Variants in AGBL4 observed in about 807,000 individuals in gnomAD.
AGBL4 encodes AGBL carboxypeptidase 4.
AGBL4 carries 58 observed loss-of-function variants against 66.4 expected under a neutral mutation model. The ratio of observed to expected loss-of-function variants is 0.87; its 90% CI spans 0.71 to 1.09. The LOEUF (loss-of-function observed/expected upper bound fraction) is 1.09. Ranked by LOEUF, AGBL4 falls within the 50% of genes least tolerant of loss-of-function variation. The probability of loss-of-function intolerance (pLI) is 0.00; values close to 1 mark genes in which losing one functional copy is unlikely to be tolerated. For missense variants in AGBL4, 579 were observed against 631.0 expected (o/e 0.92, Z 0.88); for synonymous variants, 234 against 222.9 (o/e 1.05, Z -0.44).
chr1:49,772,040 G>C (rs1191623796), intron 2 of AGBL4, among the ~76,000 whole-genome samples: 1 of 151,944 alleles, frequency 6.6e-6, no homozygotes, highest in African/African-American at 2.4e-5. Flanking sequence ...TTGTTTTGTA[G>C]ATCCCTTCTT....
intron 4 of AGBL4, among the ~76,000 whole-genome samples, chr1:49,097,942 T>A (rs1485378132): frequency 6.6e-6 from 1 of 152,252 alleles, no homozygotes; most frequent in African/African-American, 2.4e-5. Flanking sequence ...AGTCCTATTA[T>A]GGACCACCTG....
At position 50,011,209 on chromosome 1, in the gene AGBL4, T is replaced by C. The variant is rs916889997; in HGVS notation, c.34+12554A>G. ...TATAGGAAAAAAGTCAGTAATCTGA[T>C]CAAAAATGGGCAAAATATTTGAATA... is the stretch of plus-strand genomic sequence containing the variant. On this transcript the variant is annotated intron_variant, in intron 1 of 13. Transcript: ENST00000371839. 4.6e-5 allele frequency among the ~76,000 whole-genome samples: 7 copies of C among 152,130 alleles called. 1 individual carries two copies. Among genetic ancestry groups the C allele is most frequent in the Admixed American group, 1.3e-4 (2 of 15,278 alleles).
At chr1:49,871,513 C>A (rs1318890080) in intron 1 of AGBL4, among the ~76,000 whole-genome samples, 1 of 152,038 alleles carries the variant, frequency 6.6e-6, no homozygotes, top group Non-Finnish European at 1.5e-5. Context: ...TGGTATTTCA[C>A]AAACTTTCCA....
intron 3 of AGBL4, among the ~76,000 whole-genome samples, chr1:49,593,061 C>G (rs78951692): frequency 6.6e-6 from 1 of 152,052 alleles, no homozygotes; most frequent in African/African-American, 2.4e-5. Context: ...CTTGCACATG[C>G]GTAAAATCAC....
chr1:49,934,305 A>T, intron 1 of AGBL4, among the ~76,000 whole-genome samples: 1 of 152,124 alleles, frequency 6.6e-6, no homozygotes, highest in East Asian at 1.9e-4. Context: ...CCTAAGAGAC[A>T]TATTCAAACA....
chr1:48,723,582 T>TA (rs1647183716), intron 6 of AGBL4, among the ~76,000 whole-genome samples: 1 of 152,218 alleles, frequency 6.6e-6, no homozygotes, highest in Non-Finnish European at 1.5e-5. Flanking sequence ...ATAAGAAAAC[T>TA]AAACACAGAA....
chr1:49,957,212 T>C (rs1269592609), intron 1 of AGBL4, among the ~76,000 whole-genome samples: 1 of 151,950 alleles, frequency 6.6e-6, no homozygotes, highest in Admixed American at 6.6e-5. Context: ...ACAGTGGAAA[T>C]ACAAAGAATA....
At chr1:48,791,520 A>G (rs1645549829) in intron 6 of AGBL4, among the ~76,000 whole-genome samples, 1 of 152,184 alleles carries the variant, frequency 6.6e-6, no homozygotes, top group Non-Finnish European at 1.5e-5. Context: ...GGGTTGCCCT[A>G]AGCATAGCTG....
chr1:49,508,638 A>T (rs1011588014), intron 3 of AGBL4, among the ~76,000 whole-genome samples: 1 of 151,938 alleles, frequency 6.6e-6, no homozygotes, highest in Non-Finnish European at 1.5e-5. Context: ...TTGGCTAGAT[A>T]TTCATGGGTT....
chr1:49,499,290 T>C (rs1212365386), intron 3 of AGBL4, among the ~76,000 whole-genome samples: 1 of 152,060 alleles, frequency 6.6e-6, no homozygotes, highest in Non-Finnish European at 1.5e-5. Flanking sequence ...GTAGGTTTTA[T>C]GTGTCTTAAG....
chr1:49,845,648 C>G, intron 2 of AGBL4: 4 of 1,608,190 alleles, frequency 2.5e-6, no homozygotes, highest in Non-Finnish European at 3.4e-6. Flanking sequence ...AGGACCCACA[C>G]AGGAGAAAAG....
At chr1:48,775,193 C>T (rs1165499533) in intron 6 of AGBL4, among the ~76,000 whole-genome samples, 1 of 152,188 alleles carries the variant, frequency 6.6e-6, no homozygotes, top group African/African-American at 2.4e-5. Context: ...GGTGGGCCTA[C>T]ACTTCGGTGT....
At chr1:49,398,331 CTT>C (rs1491531166) in intron 3 of AGBL4, among the ~76,000 whole-genome samples, 20 of 101,280 alleles carry the variant, frequency 2.0e-4, no homozygotes, top group South Asian at 6.2e-4. Context: ...CCCTCTCTCT[CTT>C]TCTCTCTCTC....
chr1:48,598,383 C>T (rs71647711), intron 9 of AGBL4, among the ~76,000 whole-genome samples: 2,754 of 152,240 alleles, frequency 0.018, 22 homozygotes, highest in Middle Eastern at 0.041. Context: ...AGTGTACTTA[C>T]ACTAACCTAG....
At chr1:49,999,800 C>T (rs1017905181) in intron 1 of AGBL4, among the ~76,000 whole-genome samples, 1 of 151,996 alleles carries the variant, frequency 6.6e-6, no homozygotes, top group African/African-American at 2.4e-5. Context: ...TTTGACAAAG[C>T]AAACAAAAAC....
chr1:49,164,136 G>T (rs540426962), intron 4 of AGBL4, among the ~76,000 whole-genome samples: 1 of 152,266 alleles, frequency 6.6e-6, no homozygotes, highest in South Asian at 2.1e-4. Context: ...CAGGAAAATA[G>T]TTCCAGCAAT....
intron 3 of AGBL4, among the ~76,000 whole-genome samples, chr1:49,268,625 C>T (rs987398856): frequency 2.6e-5 from 4 of 152,034 alleles, no homozygotes; most frequent in African/African-American, 9.7e-5. Context: ...CAGTACATCC[C>T]TTGAGGGGGC....
chr1:49,651,861 C>T (rs1441796709), intron 3 of AGBL4, among the ~76,000 whole-genome samples: 1 of 151,838 alleles, frequency 6.6e-6, no homozygotes, highest in Non-Finnish European at 1.5e-5. Context: ...GGATCCTGAC[C>T]AAAATTAAAA....
At chr1:49,057,346 AG>A (rs1644326177) in intron 4 of AGBL4, among the ~76,000 whole-genome samples, 1 of 152,180 alleles carries the variant, frequency 6.6e-6, no homozygotes, top group Non-Finnish European at 1.5e-5. Flanking sequence ...TGAGCCAAGG[AG>A]GTTCAGGCTG....
Sources: gnomAD v4.1 joint callset for allele counts (sites outside exome capture counted in the v4.1 genomes callset) on GRCh38, gnomAD v4.1.1 for gene constraint, MANE v1.5 for transcripts, NCBI Gene and HGNC (gene_info 2026-07-23, HGNC 2026-07-21) for gene names.